Variants in HYLS1 observed in about 807,000 individuals in gnomAD.
The protein encoded by HYLS1 is centriolar and ciliogenesis-associated protein HYLS1.
HYLS1 carries 25 observed loss-of-function variants against 29.4 expected under a neutral mutation model. The ratio of observed to expected loss-of-function variants is 0.85; its 90% CI spans 0.62 to 1.19. HYLS1 has a LOEUF of 1.19. Among genes scored for constraint, HYLS1 ranks in the 50% most tolerant of loss-of-function variants. The pLI is 0.00. For synonymous variants in HYLS1, 128 were observed against 126.7 expected (o/e 1.01, Z -0.07); for missense variants, 352 against 365.1 (o/e 0.96, Z 0.29).
At chr11:125,884,624 A>G (rs1197750804), upstream of HYLS1, among the ~76,000 whole-genome samples, 2 of 152,220 alleles carry the variant, frequency 1.3e-5, no homozygotes, top group African/African-American at 4.8e-5. Flanking sequence ...CAAACAAACA[A>G]ACAAAAATAG....
chr11:125,899,313 T>C (rs1944685069), intron 2 of HYLS1, 31 bp from the exon 3 acceptor site: 31 of 1,508,462 alleles, frequency 2.1e-5, no homozygotes, highest in Middle Eastern at 3.4e-4. Flanking sequence ...GAATTTATTA[T>C]CAGAAAACTG....
At chr11:125,888,839 CAT>C (rs1229313168) in intron 1 of HYLS1, among the ~76,000 whole-genome samples, 1 of 151,030 alleles carries the variant, frequency 6.6e-6, no homozygotes, top group Non-Finnish European at 1.5e-5. Flanking sequence ...ACTTCTAAGT[CAT>C]AATCCAATTC....
upstream of HYLS1, among the ~76,000 whole-genome samples, chr11:125,885,430 TAC>T (rs1424308097): frequency 6.6e-6 from 1 of 151,450 alleles, no homozygotes; most frequent in Non-Finnish European, 1.5e-5. Flanking sequence ...CAGCCTGGGC[TAC>T]AGAGAGAGAC....
Position 125,900,280 on chromosome 11 carries a change from C to T in HYLS1, c.*12C>T. ...TTTCTCCTTCTTAAATCTTTTTAAA[C>T]TTCTTTCACAGGATTGTTTGAGATA... On this transcript the variant is annotated 3_prime_UTR_variant, in exon 3 of 3. Coordinates refer to ENST00000425380, the MANE Select transcript of HYLS1 (RefSeq NM_001134793.2). The T allele has an allele frequency of 3.1e-6, 5 of 1,613,124 alleles. No homozygotes were observed. Among genetic ancestry groups the T allele is most frequent in the Non-Finnish European group, 4.2e-6 (5 of 1,179,150 alleles).
chr11:125,892,518 G>A (rs1824968678), intron 2 of HYLS1, among the ~76,000 whole-genome samples: 1 of 152,092 alleles, frequency 6.6e-6, no homozygotes, highest in Non-Finnish European at 1.5e-5. Flanking sequence ...TCAGTATGTG[G>A]TACTACCAGC....
chr11:125,887,503 A>C (rs1206255405), upstream of HYLS1: 2 of 152,304 alleles, frequency 1.3e-5, no homozygotes, highest in Non-Finnish European at 2.9e-5. Context: ...CCGCCGGCGG[A>C]GAAGGCCCAG....
At chr11:125,892,468 A>G (rs1192522383) in intron 2 of HYLS1, among the ~76,000 whole-genome samples, 1 of 152,240 alleles carries the variant, frequency 6.6e-6, no homozygotes, top group East Asian at 1.9e-4. Flanking sequence ...TCACTTATTA[A>G]CTTTGAGAAC....
At chr11:125,891,229 A>G (rs922031840) in intron 1 of HYLS1, among the ~76,000 whole-genome samples, 194 bp from the exon 2 acceptor site, 2 of 152,190 alleles carry the variant, frequency 1.3e-5, no homozygotes, top group African/African-American at 2.4e-5. Context: ...TGTAGTCACT[A>G]AATTCTTACT....
intron 2 of HYLS1, among the ~76,000 whole-genome samples, chr11:125,898,324 G>A (rs1257944225): frequency 2.0e-5 from 3 of 152,182 alleles, no homozygotes; most frequent in Admixed American, 1.3e-4. Context: ...GTGGCTGATT[G>A]ATGTGGATAC....
chr11:125,899,680 T>G lies in HYLS1; in HGVS notation c.312T>G (p.Asp104Glu). 6.2e-7 allele frequency: 1 copy of G among 1,614,128 alleles called. No individual in the cohort carries two copies. The highest frequency in any genetic ancestry group is 8.5e-7 in the Non-Finnish European group (1 of 1,180,002). The part of the protein sequence containing the change: ...MKRKVLRRKP[D>E]GEVLVTDESI... ...GAAAGGTGCTGCGCAGAAAGCCAGA[T>G]GGGGAAGTATTAGTAACAGATGAGT... Residue 104 changes from aspartate (D) to glutamate (E), a missense_variant, in exon 3 of 3, where the codon GAT becomes GAG. By Grantham distance (45) the Asp-to-Glu change is conservative. Transcript: ENST00000425380.
In HYLS1 at chr11:125,900,551, CT is replaced by C; in HGVS notation, c.*290del. 2 of 414,386 alleles carry C rather than the reference CT, an allele frequency of 4.8e-6. No individual in the cohort carries two copies. The highest frequency in any genetic ancestry group is 4.1e-5 in the Admixed American group (1 of 24,254). 25.7% of individuals were successfully genotyped at this position (414,386 alleles called of 1,614,324 possible). ...AGTAAGGGCCCTTTGTGTCCTGTAACTTTTTTTACCTATCAATATGAGTTGC... is the reference window on the plus strand; with the variant it reads ...AGTAAGGGCCCTTTGTGTCCTGTAACTTTTTTACCTATCAATATGAGTTGC... On this transcript the variant is annotated 3_prime_UTR_variant, in exon 3 of 3. Coordinates refer to ENST00000425380, the MANE Select transcript of HYLS1 (RefSeq NM_001134793.2).
At chr11:125,888,983 A>C (rs1293950425) in intron 1 of HYLS1, among the ~76,000 whole-genome samples, 2 of 152,192 alleles carry the variant, frequency 1.3e-5, no homozygotes, top group African/African-American at 4.8e-5. Flanking sequence ...AGTCACAGAT[A>C]ACCATCAAAC....
chr11:125,900,375 G>A lies in HYLS1; in HGVS notation c.*107G>A, dbSNP rs79600654. On this transcript the variant is annotated 3_prime_UTR_variant, in exon 3 of 3. Transcript: ENST00000425380. ...TGAGAAGCTCTTCGAAACATTTTAT[G>A]GTAAGGACTTCACCTATCATTGGTC... 28,067 of 1,047,134 alleles carry A rather than the reference G, an allele frequency of 0.027. 469 individuals carry two copies. The highest frequency in any genetic ancestry group is 0.031 in the Non-Finnish European group (21,340 of 686,754). 64.9% of individuals were successfully genotyped at this position (1,047,134 alleles called of 1,614,324 possible).
intron 1 of HYLS1, among the ~76,000 whole-genome samples, chr11:125,890,316 T>TTA (rs1944388217): frequency 2.6e-5 from 4 of 152,222 alleles, no homozygotes; most frequent in African/African-American, 9.6e-5. Flanking sequence ...TGTGTACCCT[T>TTA]TAATAGCTTT....
rs147862544 is a variant in HYLS1 at position 125,896,191 on chromosome 11, G to A, written c.-25-3153G>A. The stretch of plus-strand genomic sequence containing the variant: ...TTTGAGTCCTCCTTATTTTTGGCCT[G>A]TTCCTTTTTAAGTCTTTGCACCTCT... On this transcript the variant is annotated intron_variant, in intron 2 of 2. Coordinates refer to ENST00000425380, the MANE Select transcript of HYLS1 (RefSeq NM_001134793.2). The A allele has an allele frequency of 1.4e-5, 23 of 1,614,136 alleles. No homozygotes were observed. Among genetic ancestry groups the A allele is most frequent in the Non-Finnish European group, 1.7e-5 (20 of 1,180,008 alleles).
intron 1 of HYLS1, among the ~76,000 whole-genome samples, chr11:125,888,758 G>C (rs1417536342): frequency 4.6e-5 from 1 of 21,912 alleles, no homozygotes; most frequent in Non-Finnish European, 8.0e-5. Flanking sequence ...GACCGAGCAA[G>C]ACTCTTGTCT....
Position 125,895,843 on chromosome 11 carries a change from T to A in HYLS1, c.-25-3501T>A, listed in dbSNP as rs535319320. 1.9e-6 allele frequency: 3 copies of A among 1,583,150 alleles called. No homozygotes were observed. The Admixed American group carries it at 5.1e-5, about 27-fold the overall frequency. On this transcript the variant is annotated intron_variant, in intron 2 of 2. Transcript: ENST00000425380. Reference sequence around the variant, plus strand: ...TTAGAGACACAAATAATCTCAGTACTCAGTGTGTATACCTAGAATATCCTA... The same window carrying A: ...TTAGAGACACAAATAATCTCAGTACACAGTGTGTATACCTAGAATATCCTA...
intron 2 of HYLS1, chr11:125,895,563 G>T: frequency 6.2e-7 from 1 of 1,614,180 alleles, no homozygotes. Context: ...ATCTAAATCA[G>T]CACGAGGGAA....
intron 2 of HYLS1, chr11:125,895,944 C>T (rs760606624): frequency 6.2e-7 from 1 of 1,613,962 alleles, no homozygotes. Flanking sequence ...TGTTCTCCCA[C>T]ATCGGTGATA....
Sources: allele counts gnomAD v4.1 joint callset (sites outside exome capture counted in the v4.1 genomes callset), GRCh38; gene constraint gnomAD v4.1.1; transcripts MANE v1.5; gene names NCBI Gene and HGNC (gene_info 2026-07-23, HGNC 2026-07-21).